CAGE1: variants seen among roughly 807,000 people sequenced by gnomAD.
The protein encoded by CAGE1 is cancer-associated gene 1 protein.
A neutral mutation model predicts 94.9 loss-of-function variants in CAGE1; 66 were observed. That is an observed-to-expected ratio of 0.70 (90% CI 0.57 to 0.85). The LOEUF (loss-of-function observed/expected upper bound fraction) is 0.85, where lower values mean the gene tolerates loss of function less well. Among genes scored for constraint, CAGE1 ranks in the 40% least tolerant of loss-of-function variants. The pLI, the probability that CAGE1 is intolerant of heterozygous loss-of-function variation, is 0.00. For missense variants in CAGE1, 865 were observed against 950.4 expected (o/e 0.91, Z 1.18); for synonymous variants, 319 against 321.0 (o/e 0.99, Z 0.07).
chr6:7,354,662 T>A (rs1759890192), intron 11 of CAGE1, among the ~76,000 whole-genome samples: 3 of 152,208 alleles, frequency 2.0e-5, no homozygotes, highest in Admixed American at 6.5e-5. Flanking sequence ...TGAGTTTATT[T>A]CCTTCTTGAT....
intron 9 of CAGE1, among the ~76,000 whole-genome samples, chr6:7,358,291 ACT>A (rs1207963202): frequency 6.6e-6 from 1 of 151,300 alleles, no homozygotes; most frequent in African/African-American, 2.4e-5. Context: ...AACAGTATTT[ACT>A]CTTTTTTTGT....
chr6:7,357,706 C>G (rs1354446913), intron 9 of CAGE1, among the ~76,000 whole-genome samples: 1 of 152,032 alleles, frequency 6.6e-6, no homozygotes. Flanking sequence ...CAAATTTTAA[C>G]TGCTTTAAGG....
chr6:7,339,067 C>T lies in CAGE1; in HGVS notation c.2370-4977G>A, dbSNP rs570210767. On this transcript the variant is annotated intron_variant, in intron 11 of 13. Transcript: ENST00000502583. This position sits in a 1 kb window ranked among gnomAD's most constrained non-coding sequence, Gnocchi z 4.7. ...AACACATGGCGCACAGCAGTGTCAA[C>T]GTAGTAGTTAACAGGGTCTCTGCTG... 4.1e-5 allele frequency: 66 copies of T among 1,602,916 alleles called. No individual in the cohort carries two copies. In the African/African-American group the frequency reaches 7.1e-4, roughly 17 times the overall value.
chr6:7,337,650 G>T (rs1759009240), intron 11 of CAGE1, among the ~76,000 whole-genome samples: 1 of 152,124 alleles, frequency 6.6e-6, no homozygotes, highest in Admixed American at 6.5e-5. Flanking sequence ...TTGTACCTTT[G>T]TCAAAAATCA....
chr6:7,345,108 T>TAGATG (rs1561851539), intron 11 of CAGE1, among the ~76,000 whole-genome samples: 1 of 151,718 alleles, frequency 6.6e-6, no homozygotes, highest in Non-Finnish European at 1.5e-5. Context: ...TAACTCTTGT[T>TAGATG]GCTGTTTGCT....
In CAGE1 at chr6:7,351,727, A is replaced by C. The variant is rs189672575; in HGVS notation, c.2369+3314T>G. ...ACCAGGGATTCAGGGGTGGTTTAAC[A>C]TATGCAAGTCAATAAATGTGATACA... On this transcript the variant is annotated intron_variant, in intron 11 of 13. Transcript: ENST00000502583. Among the ~76,000 whole-genome samples the C allele has an allele frequency of 1.3e-3, 205 of 152,292 alleles. 1 individual carries two copies. The highest frequency in any genetic ancestry group is 2.2e-3 in the Non-Finnish European group (150 of 68,014).
At chr6:7,358,027 G>GATATATATATATGTGTATATATATAT (rs1554138207) in intron 9 of CAGE1, among the ~76,000 whole-genome samples, 1 of 48,076 alleles carries the variant, frequency 2.1e-5, no homozygotes, top group Non-Finnish European at 4.3e-5. Context: ...TAAGTTTTGA[G>GATATATATATATGTGTATATATATAT]ATATATATAT....
intron 3 of CAGE1, among the ~76,000 whole-genome samples, chr6:7,380,550 C>G (rs1279371775): frequency 6.6e-6 from 1 of 151,726 alleles, no homozygotes; most frequent in African/African-American, 2.4e-5. Flanking sequence ...GGCAGGAGAA[C>G]CACTTGAACC....
chr6:7,368,860 A>C, intron 6 of CAGE1, 62 bp from the exon 7 acceptor site: 3 of 921,040 alleles, frequency 3.3e-6, no homozygotes, highest in Non-Finnish European at 3.3e-6. Context: ...AATGAGGCCA[A>C]AACTATGCAT....
chr6:7,333,771 C>T (rs981299847), intron 12 of CAGE1, among the ~76,000 whole-genome samples: 4 of 118,816 alleles, frequency 3.4e-5, no homozygotes, highest in East Asian at 2.4e-4. Flanking sequence ...CAGGTTCAAG[C>T]GATCCTCCTG....
chr6:7,327,115 C>A (rs1012605221), intron 13 of CAGE1, among the ~76,000 whole-genome samples: 4 of 152,128 alleles, frequency 2.6e-5, no homozygotes, highest in African/African-American at 9.7e-5. Flanking sequence ...TGCAGTGGTA[C>A]AATCTCGGCT....
chr6:7,388,498 T>A (rs1270647847), intron 1 of CAGE1, among the ~76,000 whole-genome samples: 2 of 152,230 alleles, frequency 1.3e-5, no homozygotes, highest in African/African-American at 4.8e-5. Flanking sequence ...TTACAGATCA[T>A]AAATGTCTTG....
At chr6:7,358,454 T>TTGCTTTCTGATTTGGGC (rs1324765736) in intron 9 of CAGE1, among the ~76,000 whole-genome samples, 1 of 152,092 alleles carries the variant, frequency 6.6e-6, no homozygotes, top group South Asian at 2.1e-4. Flanking sequence ...GACATTTGGG[T>TTGCTTTCTGATTTGGGC]TGCTTTCTGA....
At chr6:7,329,189 TC>T in intron 13 of CAGE1, 1 of 401,864 alleles carries the variant, frequency 2.5e-6, no homozygotes, top group Non-Finnish European at 4.4e-6. Flanking sequence ...CGCCTCGGCC[TC>T]CCAAAGTGCT....
chr6:7,358,208 C>G (rs576087783), intron 9 of CAGE1, among the ~76,000 whole-genome samples: 1 of 151,336 alleles, frequency 6.6e-6, no homozygotes, highest in Non-Finnish European at 1.5e-5. Flanking sequence ...CTGCCAGTCC[C>G]AGGCAAACAC....
chr6:7,330,005 C>A, intron 12 of CAGE1, 117 bp from the exon 13 acceptor site: 2 of 586,554 alleles, frequency 3.4e-6, no homozygotes, highest in South Asian at 4.4e-5. Flanking sequence ...AAGGAGAAAT[C>A]GTCATTTAAG....
At position 7,373,286 on chromosome 6, in the gene CAGE1, T is replaced by G; in HGVS notation, c.1533A>C (p.Lys511Asn). Residue 511 changes from lysine (K) to asparagine (N), a missense_variant, in exon 5 of 14, where the codon AAA becomes AAC. Physicochemically the swap from Lys to Asn is moderately conservative, Grantham distance 94. Coordinates refer to ENST00000502583, the MANE Select transcript of CAGE1 (RefSeq NM_001170692.2). ...ERQKLKSRLE[K>N]LLTQVRNLQF... is the part of the protein sequence containing the mutation. ...GCAAATTTCTAACTTGAGTGAGCAA[T>G]TTCTCAAGTCTAGATTTCAGTTTCT... 1 of 1,604,254 alleles carries G rather than the reference T, an allele frequency of 6.2e-7. No homozygotes were observed. Among genetic ancestry groups the G allele is most frequent in the South Asian group, 1.1e-5 (1 of 89,956 alleles).
intron 1 of CAGE1, among the ~76,000 whole-genome samples, chr6:7,388,563 G>A (rs999807449): frequency 2.0e-5 from 3 of 152,108 alleles, no homozygotes; most frequent in African/African-American, 7.2e-5. Flanking sequence ...GACCAGTGCT[G>A]TCTACACAGC....
At position 7,373,130 on chromosome 6, in the gene CAGE1, A is replaced by G; in HGVS notation, c.1689T>C (p.Phe563=). The change falls in exon 5 of 14, where the codon TTT becomes TTC. Residue 563 remains phenylalanine, a synonymous_variant. Coordinates refer to ENST00000502583, the MANE Select transcript of CAGE1 (RefSeq NM_001170692.2). ...ATTGATCCTTTAACTGAGCTGTCTC[A>G]AATTTAGGGACATAATTTTGCTCTT... is the stretch of plus-strand genomic sequence containing the variant. ...RSEEQNYVPK[F]ETAQLKDQLE... is the part of the protein sequence containing the mutation. 6.2e-7 allele frequency: 1 copy of G among 1,613,150 alleles called. No individual in the cohort carries two copies. Among genetic ancestry groups the G allele is most frequent in the South Asian group, 1.1e-5 (1 of 90,848 alleles).
Sources: gnomAD v4.1 joint callset for allele counts (sites outside exome capture counted in the v4.1 genomes callset) on GRCh38, gnomAD v4.1.1 for gene constraint, Gnocchi (gnomAD v3.1) non-coding constraint, MANE v1.5 for transcripts, NCBI Gene and HGNC (gene_info 2026-07-23, HGNC 2026-07-21) for gene names.